Variants in ZNF407 observed in about 807,000 individuals in gnomAD.
ZNF407 encodes the protein zinc finger protein 407.
ZNF407 carries 17 observed loss-of-function variants against 131.2 expected under a neutral mutation model. That is an observed-to-expected ratio of 0.13 (90% CI 0.09 to 0.19). The LOEUF is 0.19. Ranked by LOEUF, ZNF407 falls within the 10% of genes least tolerant of loss-of-function variation. ZNF407 has a pLI of 1.00. For missense variants in ZNF407, 2,681 were observed against 2,830.6 expected (o/e 0.95, Z 1.20); for synonymous variants, 1,156 against 1,062.0 (o/e 1.09, Z -1.72).
At chr18:74,669,026 A>C (rs1293679664) in intron 3 of ZNF407, among the ~76,000 whole-genome samples, 1 of 151,940 alleles carries the variant, frequency 6.6e-6, no homozygotes, top group East Asian at 1.9e-4. Flanking sequence ...CTACCCAGGC[A>C]CACTGGAGCT....
At chr18:74,908,816 C>CT (rs1971629765) in intron 7 of ZNF407, among the ~76,000 whole-genome samples, 1 of 152,066 alleles carries the variant, frequency 6.6e-6, no homozygotes, top group Admixed American at 6.5e-5. Context: ...CTACAGTGAG[C>CT]TTTAAAGCAA....
rs1160202094 is a variant in ZNF407, at chr18:74,937,337, A to T, written c.5428+16645A>T. On this transcript the variant is annotated intron_variant, in intron 8 of 8. Coordinates refer to ENST00000299687, the MANE Select transcript of ZNF407 (RefSeq NM_017757.3). ...ATCATTTAATTTTCAGAACAATCTC[A>T]TGCTACTATTAGTTTTAATTTAATG... Among the ~76,000 whole-genome samples the T allele has an allele frequency of 2.6e-5, 4 of 152,212 alleles. No homozygotes were observed. In the East Asian group the frequency reaches 7.7e-4, roughly 29 times the overall value.
intron 1 of ZNF407, among the ~76,000 whole-genome samples, chr18:74,615,880 T>A (rs965615033): frequency 6.6e-6 from 1 of 151,988 alleles, no homozygotes; most frequent in African/African-American, 2.4e-5. Flanking sequence ...TTTTTTTTTT[T>A]AAGATGGAGT....
intron 8 of ZNF407, among the ~76,000 whole-genome samples, chr18:74,951,004 T>C (rs945441003): frequency 6.6e-6 from 1 of 152,206 alleles, no homozygotes; most frequent in African/African-American, 2.4e-5. Flanking sequence ...TGCAACTTTT[T>C]TTTTCCTTTT....
At chr18:74,938,263 C>T (rs562628570) in intron 8 of ZNF407, among the ~76,000 whole-genome samples, 8 of 152,262 alleles carry the variant, frequency 5.3e-5, no homozygotes, top group African/African-American at 1.9e-4. Context: ...GCTCTGAGCA[C>T]GAATTGGTTA....
chr18:75,012,950 TA>T (rs34245737), intron 8 of ZNF407, among the ~76,000 whole-genome samples: 103,058 of 145,598 alleles, frequency 0.71, 36,692 homozygotes, highest in East Asian at 0.8. Context: ...GGTCCTTTTT[TA>T]AAAAAAAAAA....
chr18:74,663,266 T>G (rs1203819400), intron 3 of ZNF407, among the ~76,000 whole-genome samples: 4 of 152,174 alleles, frequency 2.6e-5, no homozygotes, highest in Non-Finnish European at 5.9e-5. Context: ...GTGTACCACA[T>G]CTAAAACCAA....
intron 3 of ZNF407, among the ~76,000 whole-genome samples, chr18:74,768,075 G>T (rs1347157671): frequency 6.6e-6 from 1 of 152,036 alleles, no homozygotes; most frequent in African/African-American, 2.4e-5. Context: ...ATTACAACTT[G>T]AATATACCTA....
chr18:74,941,079 TC>T (rs1284365578), intron 8 of ZNF407, among the ~76,000 whole-genome samples: 1 of 93,994 alleles, frequency 1.1e-5, no homozygotes. Flanking sequence ...ACCGGGCCCG[TC>T]CTTGCCTTGC....
intron 3 of ZNF407, among the ~76,000 whole-genome samples, chr18:74,659,961 G>A (rs1016489506): frequency 1.7e-4 from 26 of 151,914 alleles, no homozygotes; most frequent in African/African-American, 6.0e-4. Context: ...TCAGGACACC[G>A]GGCAAAACAA....
At chr18:74,927,883 T>C (rs1035828876) in intron 8 of ZNF407, among the ~76,000 whole-genome samples, 1 of 152,216 alleles carries the variant, frequency 6.6e-6, no homozygotes, top group Non-Finnish European at 1.5e-5. Context: ...GAGCATATAC[T>C]AAAATTAGGG....
Position 74,890,043 on chromosome 18 carries a change from T to A in ZNF407, c.5249+5T>A. ...ATGCCCCTGGTGTGACTACAGGTAA[T>A]GACTCATCACTGAGCAGTCAAATCA... On this transcript the variant is annotated splice_donor_5th_base_variant and intron_variant, in intron 7 of 8. Transcript: ENST00000299687. The A allele has an allele frequency of 6.4e-7, 1 of 1,573,386 alleles. No homozygotes were observed. The highest frequency in any genetic ancestry group is 8.6e-7 in the Non-Finnish European group (1 of 1,162,038).
chr18:74,633,441 C>T lies in ZNF407; in HGVS notation c.2422C>T (p.His808Tyr). Residue 808 changes from histidine to tyrosine, a missense_variant, in exon 2 of 9, where the codon CAT (histidine) becomes TAT (tyrosine). His to Tyr is a moderately conservative substitution (Grantham distance 83). Transcript: ENST00000299687. ...CCATATAGGTGTGCAATTACAAGAG[C>T]ATTCCTATCTTGAGAAGGGCATGCT... Reference protein sequence around the residue: ...EGHIGVQLQEHSYLEKGMLAS... With the variant: ...EGHIGVQLQEYSYLEKGMLAS... 6.2e-7 allele frequency: 1 copy of T among 1,613,948 alleles called. No individual in the cohort carries two copies. Among genetic ancestry groups the T allele is most frequent in the Non-Finnish European group, 8.5e-7 (1 of 1,179,890 alleles).
At chr18:75,041,620 G>T (rs1008553498) in intron 8 of ZNF407, among the ~76,000 whole-genome samples, 9 of 115,828 alleles carry the variant, frequency 7.8e-5, no homozygotes, top group South Asian at 5.1e-4. Flanking sequence ...GTGCATGCAC[G>T]TGCACACACA....
chr18:74,712,250 T>C (rs1967783278), intron 3 of ZNF407, among the ~76,000 whole-genome samples: 2 of 152,210 alleles, frequency 1.3e-5, no homozygotes, highest in South Asian at 2.1e-4. Context: ...TCCTAGCGCC[T>C]ATGTCTTAGT....
chr18:74,622,222 A>G (rs1187073949), intron 1 of ZNF407, among the ~76,000 whole-genome samples: 2 of 152,210 alleles, frequency 1.3e-5, no homozygotes, highest in African/African-American at 4.8e-5. Context: ...CGTGACTACA[A>G]CTAATACTAA....
chr18:74,796,286 G>A (rs944465609), intron 4 of ZNF407, among the ~76,000 whole-genome samples: 3 of 152,124 alleles, frequency 2.0e-5, no homozygotes, highest in Non-Finnish European at 4.4e-5. Context: ...TATATCTTCA[G>A]TATATTAATG....
At chr18:74,925,413 C>G (rs1365812205) in intron 8 of ZNF407, among the ~76,000 whole-genome samples, 1 of 152,180 alleles carries the variant, frequency 6.6e-6, no homozygotes, top group South Asian at 2.1e-4. Flanking sequence ...ATCAAAACCC[C>G]AAGTCCCTTT....
chr18:74,920,706 ACT>A lies in ZNF407; in HGVS notation c.5428+15_5428+16del. The stretch of plus-strand genomic sequence containing the variant: ...ACCTGCATGCTGGTAAGGGACAGAA[ACT>A]GTGAAAACTTGTTTCTAACAGGATT... On this transcript the variant is annotated intron_variant, in intron 8 of 8. Coordinates refer to ENST00000299687, the MANE Select transcript of ZNF407 (RefSeq NM_017757.3). 3 of 1,583,650 alleles carry A rather than the reference ACT, an allele frequency of 1.9e-6. No homozygotes were observed. Among genetic ancestry groups the A allele is most frequent in the Non-Finnish European group, 2.6e-6 (3 of 1,157,036 alleles).
Sources: gnomAD v4.1 joint callset for allele counts (sites outside exome capture counted in the v4.1 genomes callset) on GRCh38, gnomAD v4.1.1 for gene constraint, MANE v1.5 for transcripts, NCBI Gene and HGNC (gene_info 2026-07-23, HGNC 2026-07-21) for gene names.